The following RAB5IF variants were observed in gnomAD, a reference collection of about 807,000 sequenced individuals.
RAB5IF encodes the protein GEL complex subunit OPTI.
A neutral mutation model predicts 20.3 loss-of-function variants in RAB5IF; 15 were observed. That is an observed-to-expected ratio of 0.74 (90% CI 0.50 to 1.14). The LOEUF is 1.14. Among genes scored for constraint, RAB5IF ranks in the 50% most tolerant of loss-of-function variants. The pLI is 0.00. For missense variants in RAB5IF, 148 were observed against 159.5 expected (o/e 0.93, Z 0.39); for synonymous variants, 67 against 63.7 (o/e 1.05, Z -0.25).
In RAB5IF at chr20:36,609,219, GCACA is replaced by G. The variant is rs1555790838; in HGVS notation, c.219-348_219-345del. On this transcript the variant is annotated intron_variant, in intron 2 of 3. Transcript: ENST00000344795. The stretch of plus-strand genomic sequence containing the variant: ...CGCACACACGCACACACGCACACAC[GCACA>G]CACACACACACACACACACACACAC... Among the ~76,000 whole-genome samples, 154 of 42,796 alleles carry G rather than the reference GCACA, an allele frequency of 3.6e-3. 3 individuals carry two copies. The highest frequency in any genetic ancestry group is 5.6e-3 in the Admixed American group (21 of 3,724). The allele number at this position is 42,796 out of a possible 152,430, so 28.1% of individuals were successfully genotyped here.
chr20:36,609,336 T>A (rs1009103188), intron 2 of RAB5IF, among the ~76,000 whole-genome samples: 6 of 150,814 alleles, frequency 4.0e-5, no homozygotes, highest in South Asian at 2.1e-4. Flanking sequence ...CGCCTCTGGG[T>A]TCAAGCAGTT....
At chr20:36,609,247 A>AC (rs2039042117) in intron 2 of RAB5IF, among the ~76,000 whole-genome samples, 1 of 134,094 alleles carries the variant, frequency 7.5e-6, no homozygotes, top group Non-Finnish European at 1.5e-5. Context: ...ACACACACAC[A>AC]CACACACACT....
rs1360455670 is a variant in RAB5IF, at chr20:36,612,424, A to G, written c.*373A>G. 2.1e-5 allele frequency: 13 copies of G among 610,368 alleles called. No individual in the cohort carries two copies. Among genetic ancestry groups the G allele is most frequent in the Middle Eastern group, 8.7e-4 (2 of 2,300 alleles). The allele number at this position is 610,368 out of a possible 1,614,324, so 37.8% of individuals were successfully genotyped here. On this transcript the variant is annotated 3_prime_UTR_variant, in exon 4 of 4. Coordinates refer to ENST00000344795, the MANE Select transcript of RAB5IF (RefSeq NM_018840.5). ...CGGGTGTAGAGTTTTTAAACTATCA[A>G]TGGCATTTCAAGTCTTCTGAAACAG... is the stretch of plus-strand genomic sequence containing the variant.
rs1568596142 is a variant in RAB5IF at position 36,609,657 on chromosome 20, T to C, written c.275T>C (p.Ile92Thr). Reference protein sequence around the residue: ...LYLYFSNYLQIDEEEYGGTWE... With the variant: ...LYLYFSNYLQTDEEEYGGTWE... ...CTCTACTTCAGCAATTACCTACAGA[T>C]TGATGAGGAAGAATATGGTGGCACG... The change falls in exon 3 of 4, where the codon ATT becomes ACT. Residue 92 changes from isoleucine (I) to threonine (T), a missense_variant. By Grantham distance (89) the Ile-to-Thr change is moderately conservative (BLOSUM62 -1). Transcript: ENST00000344795. 2 of 1,613,820 alleles carry C rather than the reference T, an allele frequency of 1.2e-6. No individual in the cohort carries two copies. Among genetic ancestry groups the C allele is most frequent in the Admixed American group, 3.3e-5 (2 of 59,974 alleles).
chr20:36,608,217 T>G (rs1226695981), intron 2 of RAB5IF: 2 of 286,684 alleles, frequency 7.0e-6, no homozygotes, highest in African/African-American at 4.4e-5. Flanking sequence ...GTCCTAAACC[T>G]TGGCTTTGGT....
intron 2 of RAB5IF, among the ~76,000 whole-genome samples, chr20:36,609,061 A>C (rs536602764): frequency 8.6e-5 from 13 of 151,274 alleles, no homozygotes; most frequent in African/African-American, 3.2e-4. Flanking sequence ...CCATAGCCAC[A>C]CCCTAGCTGG....
chr20:36,609,740 GC>G lies in RAB5IF; in HGVS notation c.348+11del, dbSNP rs1445371715. 2 of 1,614,028 alleles carry G rather than the reference GC, an allele frequency of 1.2e-6. No homozygotes were observed. The highest frequency in any genetic ancestry group is 2.7e-5 in the African/African-American group (2 of 74,916). ...TTTTGCCTTGTTCATGGTATGTGTA[GC>G]TGATAGTTTTACAACAGGTACTGTT... is the stretch of plus-strand genomic sequence containing the variant. On this transcript the variant is annotated intron_variant, in intron 3 of 3. Coordinates refer to ENST00000344795, the MANE Select transcript of RAB5IF (RefSeq NM_018840.5).
chr20:36,608,980 G>C (rs1485506136), intron 2 of RAB5IF, among the ~76,000 whole-genome samples: 2 of 151,510 alleles, frequency 1.3e-5, no homozygotes, highest in Non-Finnish European at 2.9e-5. Flanking sequence ...TCTCCCACTG[G>C]GAGTTATACA....
chr20:36,609,698 GA>G lies in RAB5IF; in HGVS notation c.318del (p.Phe108LeufsTer2). The G allele has an allele frequency of 6.2e-7, 1 of 1,614,208 alleles. No individual in the cohort carries two copies. The highest frequency in any genetic ancestry group is 8.5e-7 in the Non-Finnish European group (1 of 1,180,034). On this transcript the variant is annotated frameshift_variant, in exon 3 of 4. Coordinates refer to ENST00000344795, the MANE Select transcript of RAB5IF (RefSeq NM_018840.5). LOFTEE classifies it high-confidence loss of function. ...TGGTGGCACGTGGGAGCTCACGAAG[GA>G]AGGGTTTATGACCTCTTTTGCCTTG... ...EYGGTWELTK[E>X]GFMTSFALFM...
intron 3 of RAB5IF, among the ~76,000 whole-genome samples, chr20:36,610,330 A>G (rs1249599047): frequency 6.6e-6 from 1 of 152,110 alleles, no homozygotes; most frequent in East Asian, 1.9e-4. Flanking sequence ...AAAAAGTACA[A>G]ACAGTCCAAA....
intron 3 of RAB5IF, 80 bp downstream of exon 3, chr20:36,609,810 A>C: frequency 6.2e-7 from 1 of 1,613,124 alleles, no homozygotes; most frequent in South Asian, 1.1e-5. Flanking sequence ...CCACTGATTG[A>C]GTTACACTGT....
chr20:36,609,215 A>ACG (rs1456247166), intron 2 of RAB5IF, among the ~76,000 whole-genome samples: 1 of 77,222 alleles, frequency 1.3e-5, no homozygotes, highest in Non-Finnish European at 2.5e-5. Flanking sequence ...ACACACGCAC[A>ACG]CACGCACACA....
intron 2 of RAB5IF, among the ~76,000 whole-genome samples, chr20:36,609,258 A>ACACACACACACACACACAC (rs1555790847): frequency 1.0e-5 from 1 of 99,150 alleles, no homozygotes; most frequent in Admixed American, 1.1e-4. Context: ...CACACACACT[A>ACACACACACACACACACAC]TATATAGAGT....
At chr20:36,609,209 ACG>A (rs67387473) in intron 2 of RAB5IF, among the ~76,000 whole-genome samples, 1,507 of 63,864 alleles carry the variant, frequency 0.024, 457 homozygotes, top group African/African-American at 0.027. Context: ...ACACGCACAC[ACG>A]CACACACGCA....
chr20:36,610,699 C>CA (rs992492791), intron 3 of RAB5IF, among the ~76,000 whole-genome samples: 1,549 of 75,722 alleles, frequency 0.02, 10 homozygotes, highest in East Asian at 0.053. Context: ...GACTCCGTCT[C>CA]AAAAAAAAAA....
intron 2 of RAB5IF, 157 bp downstream of exon 2, chr20:36,607,975 T>C (rs2038975658): frequency 8.0e-6 from 12 of 1,497,982 alleles, no homozygotes; most frequent in Non-Finnish European, 9.9e-6. Flanking sequence ...CTGGGTCTGG[T>C]GCACCACTCC....
At chr20:36,607,963 T>C in intron 2 of RAB5IF, 145 bp downstream of exon 2, 2 of 1,505,924 alleles carry the variant, frequency 1.3e-6, no homozygotes, top group Non-Finnish European at 1.8e-6. Flanking sequence ...ACAGTGGCAC[T>C]CCTGGGTCTG....
At chr20:36,607,613 A>C in intron 1 of RAB5IF, 102 bp from the exon 2 acceptor site, 1 of 1,417,528 alleles carries the variant, frequency 7.1e-7, no homozygotes, top group Non-Finnish European at 9.7e-7. Flanking sequence ...GGGGGAAACA[A>C]ATTTCCTGGA....
chr20:36,610,110 C>G (rs2039071577), intron 3 of RAB5IF, among the ~76,000 whole-genome samples: 1 of 152,080 alleles, frequency 6.6e-6, no homozygotes, highest in African/African-American at 2.4e-5. Flanking sequence ...TGGTGAAATC[C>G]CATCTCTACT....
Sources: gnomAD v4.1 joint callset for allele counts (sites outside exome capture counted in the v4.1 genomes callset) on GRCh38, gnomAD v4.1.1 for gene constraint, MANE v1.5 for transcripts, NCBI Gene and HGNC (gene_info 2026-07-23, HGNC 2026-07-21) for gene names.